Variants in FKBP11 observed in about 807,000 individuals in gnomAD.
The protein encoded by FKBP11 is peptidyl-prolyl cis-trans isomerase FKBP11.
A neutral mutation model predicts 24.7 loss-of-function variants in FKBP11; 21 were observed. The ratio of observed to expected loss-of-function variants is 0.85; its 90% CI spans 0.60 to 1.23. FKBP11 has a LOEUF of 1.23. Among genes scored for constraint, FKBP11 ranks in the 50% most tolerant of loss-of-function variants. The probability of loss-of-function intolerance (pLI) is 0.00; values close to 1 mark genes in which losing one functional copy is unlikely to be tolerated. For missense variants in FKBP11, 245 were observed against 248.7 expected (o/e 0.99, Z 0.10); for synonymous variants, 106 against 100.6 (o/e 1.05, Z -0.32).
In FKBP11 at chr12:48,924,229, C is replaced by T. The variant is rs1259521584; in HGVS notation, c.311G>A (p.Cys104Tyr). Reference protein sequence around the residue: ...PGLEQSLLDMCVGEKRRAIIP... With the variant: ...PGLEQSLLDMYVGEKRRAIIP... The stretch of plus-strand genomic sequence containing the variant: ...CCCCTGCCGAGATACTCACCCCACA[C>T]ACATGTCGAGAAGACTCTGCTCCAG... The change falls in exon 4 of 6, where the codon TGT becomes TAT. Residue 104 changes from cysteine to tyrosine, a missense_variant. Cys to Tyr is a radical substitution (Grantham distance 194). Coordinates refer to ENST00000550765, the MANE Select transcript of FKBP11 (RefSeq NM_016594.3). 6.2e-7 allele frequency: 1 copy of T among 1,614,216 alleles called. No individual in the cohort carries two copies. Among genetic ancestry groups the T allele is most frequent in the Non-Finnish European group, 8.5e-7 (1 of 1,180,036 alleles).
At chr12:48,931,758 A>G in the FKBP11 span, 3 of 413,360 alleles carry the variant, frequency 7.3e-6, no homozygotes, top group Admixed American at 1.2e-4. Flanking sequence ...CCAAAGAATA[A>G]GCAGAACACT....
At chr12:48,935,188 C>T in the FKBP11 span, among the ~76,000 whole-genome samples, 1 of 151,974 alleles carries the variant, frequency 6.6e-6, no homozygotes, top group Non-Finnish European at 1.5e-5. Flanking sequence ...ATTGATAAGA[C>T]ATGTCTGGTT....
At chr12:48,932,913 C>T in the FKBP11 span, among the ~76,000 whole-genome samples, 1 of 152,200 alleles carries the variant, frequency 6.6e-6, no homozygotes, top group Non-Finnish European at 1.5e-5. Flanking sequence ...ATGGGTAGAA[C>T]TGGTCAGCCC....
intron 5 of FKBP11, chr12:48,922,638 T>A: frequency 8.0e-6 from 8 of 995,470 alleles, no homozygotes; most frequent in Non-Finnish European, 9.6e-6. Context: ...AACGTGATTA[T>A]GAGATAACAG....
At chr12:48,934,491 C>T in the FKBP11 span, among the ~76,000 whole-genome samples, 5 of 152,272 alleles carry the variant, frequency 3.3e-5, no homozygotes, top group African/African-American at 9.6e-5. Flanking sequence ...ATCCCCTATC[C>T]CCTCAAAAGA....
rs1245402762 is a variant in FKBP11 at position 48,924,556 on chromosome 12, C to T, written c.283+5G>A. ...GAGGTGGAATGGGAGGCACAGGTCA[C>T]ATACCTGGAATCACCTGCTTTTGGC... On this transcript the variant is annotated splice_donor_5th_base_variant and intron_variant, in intron 3 of 5. Transcript: ENST00000550765. 2.5e-6 allele frequency: 4 copies of T among 1,612,966 alleles called. No homozygotes were observed. In the Admixed American group the frequency reaches 6.7e-5, roughly 27 times the overall value.
upstream of FKBP11, among the ~76,000 whole-genome samples, chr12:48,930,497 C>T (rs1940034179): frequency 6.6e-6 from 1 of 152,078 alleles, no homozygotes; most frequent in Admixed American, 6.6e-5. Flanking sequence ...TGTTACTTCT[C>T]AGGTTATAAA....
At chr12:48,931,601 G>T in the FKBP11 span, 2 of 832,630 alleles carry the variant, frequency 2.4e-6, no homozygotes, top group Non-Finnish European at 3.7e-6. Context: ...ACACTCAAAG[G>T]TGTCTCTGTC....
At chr12:48,924,775 G>A in intron 2 of FKBP11, 127 bp from the exon 3 acceptor site, 1 of 1,496,638 alleles carries the variant, frequency 6.7e-7, no homozygotes, top group African/African-American at 1.4e-5. Flanking sequence ...TCCCCTTACC[G>A]CTGTAAGGAA....
In FKBP11 at chr12:48,925,028, GC is replaced by G. The variant is rs759389599; in HGVS notation, c.195+17del. On this transcript the variant is annotated intron_variant, in intron 2 of 5. Coordinates refer to ENST00000550765, the MANE Select transcript of FKBP11 (RefSeq NM_016594.3). ...CCGCCCCCTCCCAGGCCCCGCCCCGGCCCCCCAGACCCCTCACCGTGTAGTG... is the reference window on the plus strand; with the variant it reads ...CCGCCCCCTCCCAGGCCCCGCCCCGGCCCCCAGACCCCTCACCGTGTAGTG... 3 of 1,538,144 alleles carry G rather than the reference GC, an allele frequency of 2.0e-6. No homozygotes were observed. The Admixed American group carries it at 5.2e-5, about 27-fold the overall frequency.
chr12:48,922,128 C>A lies in FKBP11; in HGVS notation c.462G>T (p.Lys154Asn), dbSNP rs757467836. Residue 154 changes from lysine to asparagine, a missense_variant, in exon 6 of 6, where the codon AAG becomes AAT. Lys to Asn is a moderately conservative substitution (Grantham distance 94, BLOSUM62 0). Coordinates refer to ENST00000550765, the MANE Select transcript of FKBP11 (RefSeq NM_016594.3). ...CCATCCCTACCAGAGGCAAAATGCC[C>A]TTCACCAGCTTTAGCCAGTAGTTGG... is the stretch of plus-strand genomic sequence containing the variant. The part of the protein sequence containing the change: ...IRANYWLKLV[K>N]GILPLVGMAM... The A allele has an allele frequency of 6.2e-7, 1 of 1,614,176 alleles. No homozygotes were observed. The highest frequency in any genetic ancestry group is 8.5e-7 in the Non-Finnish European group (1 of 1,180,034).
upstream of FKBP11, among the ~76,000 whole-genome samples, chr12:48,930,785 G>A (rs1351625017): frequency 1.3e-5 from 2 of 152,154 alleles, no homozygotes; most frequent in African/African-American, 2.4e-5. Context: ...TTTGGCTAAA[G>A]TAAGGGATTT....
the FKBP11 span, among the ~76,000 whole-genome samples, chr12:48,933,809 G>C: frequency 6.6e-5 from 10 of 151,942 alleles, no homozygotes; most frequent in African/African-American, 2.4e-4. Flanking sequence ...AGAGGTTACA[G>C]TGAGCCGAGA....
upstream of FKBP11, among the ~76,000 whole-genome samples, chr12:48,928,156 T>G (rs1940004530): frequency 6.9e-6 from 1 of 145,748 alleles, no homozygotes; most frequent in Non-Finnish European, 1.5e-5. Context: ...GTGATTTTCC[T>G]GCCTCAGCCT....
chr12:48,931,807 T>C, the FKBP11 span: 1 of 234,516 alleles, frequency 4.3e-6, no homozygotes, highest in Non-Finnish European at 8.2e-6. Flanking sequence ...TATAACAGGT[T>C]GTTAATAAAG....
At position 48,925,349 on chromosome 12, in the gene FKBP11, G is replaced by A; in HGVS notation, c.80C>T (p.Ala27Val). 1 of 1,608,526 alleles carries A rather than the reference G, an allele frequency of 6.2e-7. No homozygotes were observed. Residue 27 changes from alanine to valine, a missense_variant, in exon 1 of 6, where the codon GCT (alanine) becomes GTT (valine). Ala to Val is a moderately conservative substitution (Grantham distance 64). Transcript: ENST00000550765. ...GACGGGACTTTCGGTTTCGAGCCCA[G>A]CCTCAGCCCGGCACACCGCCGCACT... ...LLSAAVCRAE[A>V]GLETESPVRT...
upstream of FKBP11, chr12:48,931,449 G>A: frequency 6.5e-7 from 1 of 1,536,066 alleles, no homozygotes; most frequent in Non-Finnish European, 8.7e-7. Flanking sequence ...AGGGACCAGA[G>A]AAGGAGCTTT....
upstream of FKBP11, chr12:48,925,634 G>T: frequency 1.6e-6 from 1 of 631,810 alleles, no homozygotes; most frequent in Non-Finnish European, 2.7e-6. Context: ...TACCCTCCAA[G>T]ATCCGGAGGG....
the FKBP11 span, chr12:48,938,829 G>T: frequency 7.4e-7 from 1 of 1,344,890 alleles, no homozygotes; most frequent in Non-Finnish European, 1.0e-6. Flanking sequence ...CTGGGCATGT[G>T]GACATGATAC....
Sources: allele counts gnomAD v4.1 joint callset (sites outside exome capture counted in the v4.1 genomes callset), GRCh38; gene constraint gnomAD v4.1.1; transcripts MANE v1.5; gene names NCBI Gene and HGNC (gene_info 2026-07-23, HGNC 2026-07-21).